UNC80: variants seen among roughly 807,000 people sequenced by gnomAD.
UNC80 encodes the protein protein unc-80 homolog.
A neutral mutation model predicts 384.6 loss-of-function variants in UNC80; 164 were observed. The ratio of observed to expected loss-of-function variants is 0.43; its 90% CI spans 0.38 to 0.49. UNC80 has a LOEUF of 0.49. Ranked by LOEUF, UNC80 falls within the 20% of genes least tolerant of loss-of-function variation. The probability of loss-of-function intolerance (pLI) is 0.00; values close to 1 mark genes in which losing one functional copy is unlikely to be tolerated. For missense variants in UNC80, 3,330 were observed against 4,143.0 expected (o/e 0.80, Z 5.39); for synonymous variants, 1,486 against 1,527.8 (o/e 0.97, Z 0.64).
At chr2:209,977,366 A>G (rs914227763) in intron 58 of UNC80, among the ~76,000 whole-genome samples, 4 of 152,084 alleles carry the variant, frequency 2.6e-5, no homozygotes, top group Non-Finnish European at 5.9e-5. Context: ...CTCTTTCTTG[A>G]GTATTTAATT....
chr2:209,927,128 C>A, intron 36 of UNC80, 142 bp downstream of exon 36: 1 of 999,378 alleles, frequency 1.0e-6, no homozygotes, highest in Non-Finnish European at 1.4e-6. Flanking sequence ...AGATTTGTAA[C>A]ATACTGCGCT....
rs772140473 is a variant in UNC80, at chr2:209,793,785, C to A, written c.864C>A (p.Gly288=). 1 of 1,614,182 alleles carries A rather than the reference C, an allele frequency of 6.2e-7. No individual in the cohort carries two copies. Among genetic ancestry groups the A allele is most frequent in the South Asian group, 1.1e-5 (1 of 91,076 alleles). The change falls in exon 7 of 65, where the codon GGC becomes GGA. Residue 288 remains glycine, a synonymous_variant. Coordinates refer to ENST00000673920, the MANE Select transcript of UNC80 (RefSeq NM_001371986.1). ...DSISPKATIS[G]CHRGNSFDGS... is the part of the protein sequence containing the mutation. ...TCTCACCCAAGGCCACCATTTCAGG[C>A]TGTCACCGAGGAAACTCCTTTGATG...
intron 26 of UNC80, among the ~76,000 whole-genome samples, chr2:209,891,817 A>G (rs1266761654): frequency 6.6e-6 from 1 of 152,202 alleles, no homozygotes; most frequent in African/African-American, 2.4e-5. Context: ...ACAAGCTGTC[A>G]GCTACTAAAG....
intron 23 of UNC80, among the ~76,000 whole-genome samples, chr2:209,876,114 C>T (rs934661066): frequency 5.3e-5 from 8 of 152,102 alleles, no homozygotes; most frequent in Non-Finnish European, 1.0e-4. Flanking sequence ...TGAGTTGTTT[C>T]GTTATGTTAT....
intron 38 of UNC80, 123 bp downstream of exon 38, chr2:209,931,177 C>G: frequency 1.5e-6 from 1 of 661,088 alleles, no homozygotes; most frequent in Non-Finnish European, 2.5e-6. Flanking sequence ...CAACTAAATT[C>G]TGTGTAGGGA....
intron 25 of UNC80, among the ~76,000 whole-genome samples, chr2:209,884,362 T>C (rs1370623846): frequency 4.6e-5 from 7 of 152,226 alleles, no homozygotes; most frequent in Non-Finnish European, 2.9e-5. Context: ...TCTGTATGTC[T>C]ACATTCGTTT....
chr2:209,995,559 G>T lies in UNC80; in HGVS notation c.9939G>T (p.Gly3313=). 1 of 1,552,070 alleles carries T rather than the reference G, an allele frequency of 6.4e-7. No individual in the cohort carries two copies. ...SQFTFTPTEL[G]KTDAVLDESH... The stretch of plus-strand genomic sequence containing the variant: ...TCACCTTTACTCCCACTGAGCTGGG[G>T]AAAACGGATGCAGTATTAGATGAGT... Residue 3313 remains glycine, a synonymous_variant, in exon 65 of 65, where the codon GGG becomes GGT. Coordinates refer to ENST00000673920, the MANE Select transcript of UNC80 (RefSeq NM_001371986.1).
chr2:209,844,468 TTTCTTTCTTTCCTTCCTTCC>T (rs1453487543), intron 21 of UNC80, among the ~76,000 whole-genome samples: 38 of 67,902 alleles, frequency 5.6e-4, no homozygotes, highest in Non-Finnish European at 9.1e-4. Context: ...TCTTTCTTTC[TTTCTTTCTTTCCTTCCTTCC>T]TTCCTTCCTT....
At chr2:209,980,053 C>T (rs964529464) in intron 59 of UNC80, among the ~76,000 whole-genome samples, 1 of 152,190 alleles carries the variant, frequency 6.6e-6, no homozygotes, top group African/African-American at 2.4e-5. Context: ...TCATATTGTC[C>T]TGTGCCTGGC....
rs1325103792 is a variant in UNC80, at chr2:209,872,833, T to C, written c.3703T>C (p.Trp1235Arg). 1.3e-6 allele frequency: 2 copies of C among 1,551,362 alleles called. No individual in the cohort carries two copies. Among genetic ancestry groups the C allele is most frequent in the Non-Finnish European group, 1.7e-6 (2 of 1,146,838 alleles). The change falls in exon 23 of 65, where the codon TGG (tryptophan) becomes CGG (arginine). Residue 1235 changes from tryptophan to arginine, a missense_variant. By Grantham distance (101) the Trp-to-Arg change is moderately radical (BLOSUM62 -3). This residue lies in a region of UNC80 where 801 missense variants were observed against 950.8 expected (regional missense o/e 0.84). Coordinates refer to ENST00000673920, the MANE Select transcript of UNC80 (RefSeq NM_001371986.1). The surrounding 1 kb of genome is among the most constrained non-coding windows in gnomAD (Gnocchi z 4.1). The part of the protein sequence containing the change: ...RFVHRCNRGN[W>R]PEWMKGHHVN... ...TGTTCACCGCTGCAACCGTGGCAACTGGCCAGAGTGGATGAAAGGGCACCA... is the reference window on the plus strand; with the variant it reads ...TGTTCACCGCTGCAACCGTGGCAACCGGCCAGAGTGGATGAAAGGGCACCA...
At chr2:209,914,699 A>G (rs756246764) in intron 31 of UNC80, among the ~76,000 whole-genome samples, 2 of 151,724 alleles carry the variant, frequency 1.3e-5, no homozygotes, top group African/African-American at 4.9e-5. Context: ...ATACACACAT[A>G]TATGTATGTA....
chr2:209,848,872 A>G (rs185174611), intron 21 of UNC80, among the ~76,000 whole-genome samples: 5 of 152,204 alleles, frequency 3.3e-5, no homozygotes, highest in African/African-American at 7.2e-5. Context: ...CCATAACTGT[A>G]AACACCCCCT....
At chr2:209,835,236 C>G (rs2081260393) in intron 18 of UNC80, among the ~76,000 whole-genome samples, 1 of 152,174 alleles carries the variant, frequency 6.6e-6, no homozygotes, top group African/African-American at 2.4e-5. Flanking sequence ...CATCTCCAGT[C>G]TCTCCCTCAC....
At chr2:209,993,166 T>C in intron 62 of UNC80, 149 bp from the exon 63 acceptor site, 3 of 578,028 alleles carry the variant, frequency 5.2e-6, no homozygotes, top group Middle Eastern at 9.5e-4. Context: ...CAGAAGAAAA[T>C]ACTTATAGTT....
chr2:209,960,861 G>A (rs1043170237), intron 51 of UNC80: 2 of 152,180 alleles, frequency 1.3e-5, no homozygotes, highest in African/African-American at 4.8e-5. Context: ...AGAAAGGGGA[G>A]GGACATTTGG....
At chr2:209,928,835 C>T (rs1300434263) in intron 36 of UNC80, among the ~76,000 whole-genome samples, 1 of 152,164 alleles carries the variant, frequency 6.6e-6, no homozygotes, top group African/African-American at 2.4e-5. Flanking sequence ...TCCCTCCCGC[C>T]TCCCCTTCCT....
At chr2:209,910,594 C>T (rs2088806081) in intron 29 of UNC80, among the ~76,000 whole-genome samples, 1 of 149,646 alleles carries the variant, frequency 6.7e-6, no homozygotes, top group Admixed American at 6.7e-5. Context: ...AGGAACTTGA[C>T]TTATACTTTG....
rs955879667 is a variant in UNC80 at position 209,997,685 on chromosome 2, A to G, written c.*2090A>G. On this transcript the variant is annotated 3_prime_UTR_variant, in exon 65 of 65. Transcript: ENST00000673920. ...GTGTGAAGTCTATTAGCAACTTTCA[A>G]TAAGCTAAGCAATGTTGTAACTTGC... The G allele has an allele frequency of 1.2e-4, 19 of 152,160 alleles. No individual in the cohort carries two copies. The highest frequency in any genetic ancestry group is 1.1e-3 in the Admixed American group (17 of 15,276). 9.4% of individuals were successfully genotyped at this position (152,160 alleles called of 1,614,324 possible). A position where few individuals can be genotyped will look rare whatever the true frequency, so the allele number is the denominator to read the frequency against.
At chr2:209,844,451 T>TTTTCTTTTCTTTC (rs2081995284) in intron 21 of UNC80, among the ~76,000 whole-genome samples, 1 of 58,222 alleles carries the variant, frequency 1.7e-5, no homozygotes, top group East Asian at 4.9e-4. Context: ...TGCTCTTTTC[T>TTTTCTTTTCTTTC]TTTCTTTCTT....
Sources: allele counts gnomAD v4.1 joint callset (sites outside exome capture counted in the v4.1 genomes callset), GRCh38; gene constraint gnomAD v4.1.1; regional missense constraint gnomAD v4.1.1; non-coding constraint Gnocchi (gnomAD v3.1); transcripts MANE v1.5; gene names NCBI Gene and HGNC (gene_info 2026-07-23, HGNC 2026-07-21).